Variants in DCDC1 observed in about 807,000 individuals in gnomAD.
DCDC1 encodes doublecortin domain containing 1, also known as doublecortin domain-containing protein 1.
Under a neutral mutation model 178.3 loss-of-function variants are expected in DCDC1, and 200 were observed. The ratio of observed to expected loss-of-function variants is 1.12; its 90% confidence interval spans 1.00 to 1.26. DCDC1 has a LOEUF of 1.26. Among genes scored for constraint, DCDC1 ranks in the 50% most tolerant of loss-of-function variants. DCDC1 has a pLI of 0.00. For synonymous variants in DCDC1, 690 were observed against 604.8 expected, an observed-to-expected ratio of 1.14 and a Z score of -2.07; for missense variants, 1,983 against 1,749.2, an observed-to-expected ratio of 1.13 and a Z score of -2.38.
chr11:30,979,138 C>A (rs1449836762), intron 20 of DCDC1, among the ~76,000 whole-genome samples: 1 of 103,824 alleles, frequency 9.6e-6, no homozygotes, highest in Non-Finnish European at 1.9e-5. Flanking sequence ...AGAAGGCTGA[C>A]TAGAAGCATC....
chr11:31,006,948 T>C (rs1951880077), intron 20 of DCDC1, among the ~76,000 whole-genome samples: 1 of 152,234 alleles, frequency 6.6e-6, no homozygotes, highest in South Asian at 2.1e-4. Flanking sequence ...TTCTCCAGTA[T>C]TCACATCTAG....
intron 20 of DCDC1, among the ~76,000 whole-genome samples, chr11:31,026,289 G>A (rs754740086): frequency 5.9e-5 from 9 of 151,638 alleles, no homozygotes; most frequent in African/African-American, 9.7e-5. Context: ...ACATGACACC[G>A]TACCTTTACA....
At chr11:31,189,663 C>A (rs978845200) in intron 9 of DCDC1, among the ~76,000 whole-genome samples, 15 of 152,098 alleles carry the variant, frequency 9.9e-5, no homozygotes, top group African/African-American at 3.6e-4. Context: ...CACTGGTGGC[C>A]CCTCATCACT....
intron 25 of DCDC1, among the ~76,000 whole-genome samples, chr11:30,917,726 G>A (rs1243674820): frequency 6.6e-6 from 1 of 152,136 alleles, no homozygotes; most frequent in African/African-American, 2.4e-5. Context: ...TGTGATATGA[G>A]GACTGCTTGA....
intron 34 of DCDC1, 28 bp downstream of exon 34, chr11:30,899,513 G>T: frequency 2.2e-6 from 3 of 1,387,494 alleles, no homozygotes; most frequent in Non-Finnish European, 2.9e-6. Flanking sequence ...AATTAAATAT[G>T]GTTATGCTTG....
intron 7 of DCDC1, among the ~76,000 whole-genome samples, chr11:31,280,172 T>C (rs1946320155): frequency 6.6e-6 from 1 of 152,188 alleles, no homozygotes; most frequent in South Asian, 2.1e-4. Flanking sequence ...TAGATTGGCA[T>C]AGTTAGGGCC....
chr11:30,955,279 G>A (rs761973267), intron 20 of DCDC1, among the ~76,000 whole-genome samples: 22 of 152,084 alleles, frequency 1.4e-4, no homozygotes, highest in Non-Finnish European at 2.8e-4. Flanking sequence ...ATCCCCAGTC[G>A]CTTTGAAGCA....
At chr11:31,050,228 C>T (rs944314451) in intron 20 of DCDC1, among the ~76,000 whole-genome samples, 7 of 152,050 alleles carry the variant, frequency 4.6e-5, no homozygotes, top group African/African-American at 7.2e-5. Flanking sequence ...TATGACTGCC[C>T]GCTTTCCTCC....
rs143932202 is a variant in DCDC1, at chr11:31,124,248, G to A, written c.1485+3221C>T. On this transcript the variant is annotated intron_variant, in intron 11 of 38. Coordinates refer to ENST00000684477, the MANE Select transcript of DCDC1 (RefSeq NM_001387274.1). The stretch of plus-strand genomic sequence containing the variant: ...ACATAAAGGGATGTTGAATTTTATC[G>A]AAGGGATTTTCTGCATCTCTTGAGA... 4.0e-3 allele frequency among the ~76,000 whole-genome samples: 612 copies of A among 151,944 alleles called. 3 individuals are homozygous for A. Among genetic ancestry groups the A allele is most frequent in the Non-Finnish European group, 5.7e-3 (389 of 67,924 alleles).
intron 21 of DCDC1, among the ~76,000 whole-genome samples, chr11:30,945,697 AATCTATCTATCTATCTATCTATCT>A (rs57930562): frequency 3.4e-5 from 5 of 146,740 alleles, no homozygotes; most frequent in Admixed American, 6.8e-5. Flanking sequence ...CCATCTCAAA[AATCTATCTATCTATCTATCTATCT>A]ATCTATCTAT....
chr11:31,356,236 C>T (rs953922205), intron 1 of DCDC1, among the ~76,000 whole-genome samples: 6 of 152,028 alleles, frequency 3.9e-5, no homozygotes, highest in Non-Finnish European at 7.4e-5. Flanking sequence ...AAGTTAATAA[C>T]TGAAGAAAAT....
intron 32 of DCDC1, among the ~76,000 whole-genome samples, chr11:30,900,804 C>G (rs567540347): frequency 1.1e-4 from 16 of 151,968 alleles, no homozygotes; most frequent in Admixed American, 2.0e-4. Flanking sequence ...ATAAAAAAAT[C>G]AAGCACAGGG....
At chr11:30,950,817 GC>G (rs1371536169) in intron 21 of DCDC1, among the ~76,000 whole-genome samples, 3 of 151,870 alleles carry the variant, frequency 2.0e-5, no homozygotes, top group Non-Finnish European at 4.4e-5. Flanking sequence ...TGACTAAACA[GC>G]AATTTACTGT....
At chr11:31,252,900 TCA>T (rs1237781873) in intron 8 of DCDC1, among the ~76,000 whole-genome samples, 1 of 151,984 alleles carries the variant, frequency 6.6e-6, no homozygotes. Flanking sequence ...TAGAGGAGAT[TCA>T]TGAACAAAGT....
chr11:30,882,136 A>T (rs1453314115), intron 36 of DCDC1: 1 of 152,696 alleles, frequency 6.5e-6, no homozygotes, highest in African/African-American at 2.4e-5. Flanking sequence ...ATCACCATCA[A>T]TACTTCTGTT....
At chr11:31,092,575 C>A (rs978126257) in intron 16 of DCDC1, among the ~76,000 whole-genome samples, 3 of 152,174 alleles carry the variant, frequency 2.0e-5, no homozygotes, top group African/African-American at 7.2e-5. Context: ...TTCCCAATGT[C>A]ACACAAGAGA....
At chr11:31,330,073 CT>C (rs1949883708) in intron 2 of DCDC1, among the ~76,000 whole-genome samples, 1 of 152,136 alleles carries the variant, frequency 6.6e-6, no homozygotes. Flanking sequence ...TGTTTCCTGA[CT>C]TTTTAATGAT....
chr11:31,086,199 A>G (rs1316877629), intron 17 of DCDC1, among the ~76,000 whole-genome samples: 1 of 152,220 alleles, frequency 6.6e-6, no homozygotes, highest in African/African-American at 2.4e-5. Context: ...AAACCACTTT[A>G]TATTTCCACC....
intron 20 of DCDC1, among the ~76,000 whole-genome samples, chr11:31,054,246 A>G (rs1316372611): frequency 1.6e-5 from 1 of 64,114 alleles, no homozygotes; most frequent in African/African-American, 5.6e-5. Context: ...GGAAAAAAGA[A>G]AAAAAAAAAA....
Sources: allele counts gnomAD v4.1 joint callset (sites outside exome capture counted in the v4.1 genomes callset), GRCh38; gene constraint gnomAD v4.1.1; transcripts MANE v1.5; gene names NCBI Gene and HGNC (gene_info 2026-07-23, HGNC 2026-07-21).